The following CGNL1 variants were observed in gnomAD, a reference collection of about 807,000 sequenced individuals.
CGNL1 encodes the protein cingulin-like protein 1.
Under a neutral mutation model 141.2 loss-of-function variants are expected in CGNL1, and 132 were observed. That is an observed-to-expected ratio of 0.93 (90% CI 0.81 to 1.08). The LOEUF is 1.08. Among genes scored for constraint, CGNL1 ranks in the 50% least tolerant of loss-of-function variants. The pLI is 0.00. For missense variants in CGNL1, 1,870 were observed against 1,588.6 expected (o/e 1.18, Z -3.01); for synonymous variants, 690 against 622.1 (o/e 1.11, Z -1.63).
chr15:57,397,603 A>C (rs1279219874), intron 1 of CGNL1, among the ~76,000 whole-genome samples: 1 of 150,970 alleles, frequency 6.6e-6, no homozygotes, highest in Non-Finnish European at 1.5e-5. Flanking sequence ...TGGAGAAAAA[A>C]CCCCCACTAT....
intron 12 of CGNL1, 67 bp downstream of exon 12, chr15:57,524,818 T>C: frequency 6.7e-7 from 1 of 1,494,038 alleles, no homozygotes; most frequent in South Asian, 1.2e-5. Flanking sequence ...CTGAAAGTCT[T>C]CTGTGAGGGA....
At chr15:57,399,923 C>A (rs187956569) in intron 1 of CGNL1, among the ~76,000 whole-genome samples, 8 of 152,028 alleles carry the variant, frequency 5.3e-5, no homozygotes, top group African/African-American at 1.9e-4. Context: ...TTGGAGATAT[C>A]CTTAGAGGCT....
At position 57,531,717 on chromosome 15, in the gene CGNL1, C is replaced by T. The variant is rs758942593; in HGVS notation, c.3229C>T (p.Leu1077=). Residue 1077 remains leucine (L), a synonymous_variant, in exon 14 of 19, where the codon CTG becomes TTG. Transcript: ENST00000281282. ...EDKVSQLEME[L]EEERNNSDLL... ...CAAGGTGTCTCAACTGGAGATGGAACTGGAAGAAGAGAGAAACAACTCAGA... is the reference window on the plus strand; with the variant it reads ...CAAGGTGTCTCAACTGGAGATGGAATTGGAAGAAGAGAGAAACAACTCAGA... 1 of 1,612,804 alleles carries T rather than the reference C, an allele frequency of 6.2e-7. No homozygotes were observed. Among genetic ancestry groups the T allele is most frequent in the Admixed American group, 1.7e-5 (1 of 59,994 alleles).
intron 3 of CGNL1, among the ~76,000 whole-genome samples, 167 bp from the exon 4 acceptor site, chr15:57,442,206 C>CACCATCCA (rs2063198195): frequency 1.4e-5 from 1 of 70,908 alleles, no homozygotes; most frequent in East Asian, 4.9e-4. Context: ...AAAAAAAAGA[C>CACCATCCA]ACCATCCATC....
At position 57,546,055 on chromosome 15, in the gene CGNL1, C is replaced by G. The variant is rs368701154; in HGVS notation, c.3610-21C>G. 109 of 1,605,298 alleles carry G rather than the reference C, an allele frequency of 6.8e-5. 1 individual carries two copies. In the Middle Eastern group the frequency reaches 2.1e-3, roughly 31 times the overall value. ...GCTGGGCCATCAGCCGGCACTCAGC[C>G]CACATTCTCTCCCGGTGCAGCTGAG... On this transcript the variant is annotated intron_variant, in intron 17 of 18. Coordinates refer to ENST00000281282, the MANE Select transcript of CGNL1 (RefSeq NM_032866.5).
intron 14 of CGNL1, among the ~76,000 whole-genome samples, chr15:57,542,975 C>T (rs930973715): frequency 5.9e-5 from 9 of 152,160 alleles, no homozygotes; most frequent in Non-Finnish European, 8.8e-5. Context: ...CCTGTGGAGT[C>T]TAAGCAGGTG....
intron 1 of CGNL1, among the ~76,000 whole-genome samples, chr15:57,389,538 C>A (rs56940098): frequency 6.6e-6 from 1 of 152,160 alleles, no homozygotes; most frequent in African/African-American, 2.4e-5. Context: ...CTTGGAGTTA[C>A]GCTTGACCAA....
chr15:57,452,845 C>T (rs1214268972), intron 6 of CGNL1, among the ~76,000 whole-genome samples: 1 of 152,112 alleles, frequency 6.6e-6, no homozygotes, highest in African/African-American at 2.4e-5. Flanking sequence ...GTTCTGTGGA[C>T]ACGACAGAAG....
At chr15:57,523,013 C>A (rs920268790) in intron 10 of CGNL1, among the ~76,000 whole-genome samples, 1 of 152,160 alleles carries the variant, frequency 6.6e-6, no homozygotes, top group Non-Finnish European at 1.5e-5. Flanking sequence ...GGGTAGTGTT[C>A]TCTTAGCGAT....
intron 8 of CGNL1, among the ~76,000 whole-genome samples, chr15:57,493,611 C>G (rs1219206527): frequency 1.3e-5 from 2 of 152,128 alleles, no homozygotes; most frequent in East Asian, 3.8e-4. Context: ...TGGGGATTAA[C>G]TATAGAATGA....
intron 8 of CGNL1, among the ~76,000 whole-genome samples, chr15:57,463,262 C>G (rs1268400588): frequency 1.3e-5 from 2 of 152,076 alleles, no homozygotes; most frequent in Non-Finnish European, 2.9e-5. Flanking sequence ...TCCAGGTTCT[C>G]TACTGTCAGA....
intron 1 of CGNL1, chr15:57,377,016 G>A (rs2062371242): frequency 6.6e-6 from 1 of 152,218 alleles, no homozygotes; most frequent in African/African-American, 2.4e-5. Context: ...TGGAAAGAAA[G>A]GGGCGTGTGA....
chr15:57,414,647 C>CT, intron 1 of CGNL1, among the ~76,000 whole-genome samples: 1 of 115,028 alleles, frequency 8.7e-6, no homozygotes, highest in South Asian at 3.4e-4. Flanking sequence ...GTTCCTCACA[C>CT]TTTTTTAAAA....
At chr15:57,541,289 T>G (rs1008690103) in intron 14 of CGNL1, among the ~76,000 whole-genome samples, 1 of 152,248 alleles carries the variant, frequency 6.6e-6, no homozygotes, top group Non-Finnish European at 1.5e-5. Context: ...GGCCCTGCCC[T>G]GGGCACATGA....
intron 1 of CGNL1, among the ~76,000 whole-genome samples, chr15:57,383,259 G>T (rs533717708): frequency 6.6e-6 from 1 of 150,616 alleles, no homozygotes; most frequent in Admixed American, 6.6e-5. Context: ...GGATTGCAGG[G>T]TGGAGTTTAA....
Position 57,438,535 on chromosome 15 carries a change from C to T in CGNL1, c.536C>T (p.Thr179Ile). The change falls in exon 2 of 19, where the codon ACA (threonine) becomes ATA (isoleucine). Residue 179 changes from threonine (T) to isoleucine (I), a missense_variant. Thr to Ile is a moderately conservative substitution (Grantham distance 89, BLOSUM62 -1). Transcript: ENST00000281282. ...PSESNWLKTL[T>I]EEGINNKKPW... ...GAGAGTAATTGGCTAAAAACGTTGA[C>T]AGAAGAAGGCATCAACAATAAGAAG... 6.2e-7 allele frequency: 1 copy of T among 1,613,946 alleles called. No individual in the cohort carries two copies. The highest frequency in any genetic ancestry group is 8.5e-7 in the Non-Finnish European group (1 of 1,180,040).
intron 4 of CGNL1, among the ~76,000 whole-genome samples, chr15:57,448,039 GT>G (rs2063278293): frequency 6.6e-6 from 1 of 152,114 alleles, no homozygotes; most frequent in African/African-American, 2.4e-5. Context: ...AGGTGCAGTG[GT>G]TCATGCCTGT....
At position 57,451,573 on chromosome 15, in the gene CGNL1, T is replaced by C; in HGVS notation, c.1877T>C (p.Leu626Pro). ...AAGTTGACCATAGAAGTGGCTGAACTTCAGAGACAGCTTCAACTGGAAGTC... is the reference window on the plus strand; with the variant it reads ...AAGTTGACCATAGAAGTGGCTGAACCTCAGAGACAGCTTCAACTGGAAGTC... ...KSKLTIEVAE[L>P]QRQLQLEVKN... The change falls in exon 5 of 19, where the codon CTT becomes CCT. Residue 626 changes from leucine to proline, a missense_variant. Leu to Pro is a moderately conservative substitution (Grantham distance 98). Coordinates refer to ENST00000281282, the MANE Select transcript of CGNL1 (RefSeq NM_032866.5). 1 of 1,611,026 alleles carries C rather than the reference T, an allele frequency of 6.2e-7. No individual in the cohort carries two copies. The highest frequency in any genetic ancestry group is 8.5e-7 in the Non-Finnish European group (1 of 1,178,220).
chr15:57,516,196 C>A (rs1215075696), intron 8 of CGNL1, among the ~76,000 whole-genome samples: 5 of 150,670 alleles, frequency 3.3e-5, no homozygotes, highest in African/African-American at 1.2e-4. Context: ...GAAAAAGAGA[C>A]CCTGCCCATG....
Sources: allele counts gnomAD v4.1 joint callset (sites outside exome capture counted in the v4.1 genomes callset), GRCh38; gene constraint gnomAD v4.1.1; transcripts MANE v1.5; gene names NCBI Gene and HGNC (gene_info 2026-07-23, HGNC 2026-07-21).